SLC45A3: variants seen among roughly 807,000 people sequenced by gnomAD.
SLC45A3 encodes the protein solute carrier family 45 member 3.
A neutral mutation model predicts 35.3 loss-of-function variants in SLC45A3; 17 were observed. That is an observed-to-expected ratio of 0.48 (90% CI 0.33 to 0.72). The LOEUF (loss-of-function observed/expected upper bound fraction) is 0.72. Among genes scored for constraint, SLC45A3 ranks in the 30% least tolerant of loss-of-function variants. The probability of loss-of-function intolerance (pLI) is 0.02; values close to 1 mark genes in which losing one functional copy is unlikely to be tolerated. For missense variants in SLC45A3, 597 were observed against 731.7 expected (o/e 0.82, Z 2.12); for synonymous variants, 288 against 334.3 (o/e 0.86, Z 1.51).
At position 205,659,882 on chromosome 1, in the gene SLC45A3, G is replaced by A. The variant is rs560938270; in HGVS notation, c.1225-211C>T. The stretch of plus-strand genomic sequence containing the variant: ...TGGGAGAAGGGTAACGGGGTAGGGC[G>A]GGGACAAATGTGAACCCAGAAGTCT... On this transcript the variant is annotated intron_variant, in intron 4 of 4. Coordinates refer to ENST00000367145, the MANE Select transcript of SLC45A3 (RefSeq NM_033102.3). The surrounding 1 kb of genome is among the most constrained non-coding windows in gnomAD (Gnocchi z 5.8). Among the ~76,000 whole-genome samples the A allele has an allele frequency of 3.8e-4, 58 of 152,230 alleles. No homozygotes were observed. The highest frequency in any genetic ancestry group is 1.2e-3 in the African/African-American group (48 of 41,534).
chr1:205,666,333 C>A lies in SLC45A3; in HGVS notation c.-230-1447G>T, dbSNP rs373482219. 2.4e-3 allele frequency among the ~76,000 whole-genome samples: 361 copies of A among 152,270 alleles called. 2 individuals carry two copies. The highest frequency in any genetic ancestry group is 5.6e-3 in the South Asian group (27 of 4,828). On this transcript the variant is annotated intron_variant, in intron 1 of 4. Coordinates refer to ENST00000367145, the MANE Select transcript of SLC45A3 (RefSeq NM_033102.3). The surrounding 1 kb of genome is among the most constrained non-coding windows in gnomAD (Gnocchi z 4.1). ...GACCAGCCTGGGCAACACAGCGAGACCCCCTCTCTACAAAAAATTTAAAAA... is the reference window on the plus strand; with the variant it reads ...GACCAGCCTGGGCAACACAGCGAGAACCCCTCTCTACAAAAAATTTAAAAA...
chr1:205,671,633 C>T (rs1462720538), intron 1 of SLC45A3, among the ~76,000 whole-genome samples: 3 of 152,118 alleles, frequency 2.0e-5, no homozygotes, highest in Non-Finnish European at 4.4e-5. Flanking sequence ...CCGAGGCAGG[C>T]AGATTACCTG....
intron 1 of SLC45A3, among the ~76,000 whole-genome samples, chr1:205,671,790 C>T (rs1381688657): frequency 2.0e-5 from 3 of 152,028 alleles, no homozygotes; most frequent in South Asian, 2.1e-4. Flanking sequence ...TGCTTGAAAC[C>T]GGGAGGTCAA....
chr1:205,662,571 T>G lies in SLC45A3; in HGVS notation c.958+262A>C. On this transcript the variant is annotated intron_variant, in intron 3 of 4. Transcript: ENST00000367145. The surrounding 1 kb of genome is among the most constrained non-coding windows in gnomAD (Gnocchi z 6.2). Reference sequence around the variant, plus strand: ...TTAACTCCTCCACTCCCTCTAGACTTTGAATAAGCTCCGCCTTTCCTTCTG... The same window carrying G: ...TTAACTCCTCCACTCCCTCTAGACTGTGAATAAGCTCCGCCTTTCCTTCTG... 1 of 1,322,084 alleles carries G rather than the reference T, an allele frequency of 7.6e-7. No homozygotes were observed. Among genetic ancestry groups the G allele is most frequent in the Non-Finnish European group, 9.6e-7 (1 of 1,039,432 alleles). 81.9% of individuals were successfully genotyped at this position (1,322,084 alleles called of 1,614,324 possible).
Position 205,659,771 on chromosome 1 carries a change from G to A in SLC45A3, c.1225-100C>T. On this transcript the variant is annotated intron_variant, in intron 4 of 4. Coordinates refer to ENST00000367145, the MANE Select transcript of SLC45A3 (RefSeq NM_033102.3). This position sits in a 1 kb window ranked among gnomAD's most constrained non-coding sequence, Gnocchi z 5.8. ...ACAGACCCTTGCCTCCATCCCAGGG[G>A]CAATGGGACTTCATGAGAATCAGGA... is the stretch of plus-strand genomic sequence containing the variant. The A allele has an allele frequency of 1.8e-6, 2 of 1,100,176 alleles. No homozygotes were observed. Among genetic ancestry groups the A allele is most frequent in the Non-Finnish European group, 2.5e-6 (2 of 795,624 alleles). 68.2% of individuals were successfully genotyped at this position (1,100,176 alleles called of 1,614,324 possible).
At position 205,664,583 on chromosome 1, in the gene SLC45A3, G is replaced by C; in HGVS notation, c.74C>G (p.Thr25Ser). 6.2e-7 allele frequency: 1 copy of C among 1,614,268 alleles called. No individual in the cohort carries two copies. Among genetic ancestry groups the C allele is most frequent in the South Asian group, 1.1e-5 (1 of 91,088 alleles). Residue 25 changes from threonine to serine, a missense_variant, in exon 2 of 5, where the codon ACC becomes AGC. Coordinates refer to ENST00000367145, the MANE Select transcript of SLC45A3 (RefSeq NM_033102.3). This position sits in a 1 kb window ranked among gnomAD's most constrained non-coding sequence, Gnocchi z 5.3. ...GGCCAAACACACCTCCAGGCCAAAG[G>C]TTAGCAGGTTGACCAGCAAGAGCTG... ...KAQLLLVNLL[T>S]FGLEVCLAAG...
Position 205,659,739 on chromosome 1 carries a change from T to C in SLC45A3, c.1225-68A>G. On this transcript the variant is annotated intron_variant, in intron 4 of 4. Transcript: ENST00000367145. This position sits in a 1 kb window ranked among gnomAD's most constrained non-coding sequence, Gnocchi z 5.8. The stretch of plus-strand genomic sequence containing the variant: ...TACCCAGCACTGGCACCACCCCAGC[T>C]GTGAGAACAGACCCTTGCCTCCATC... 2.1e-6 allele frequency: 3 copies of C among 1,427,074 alleles called. No homozygotes were observed. The highest frequency in any genetic ancestry group is 4.8e-5 in the East Asian group (2 of 41,654). The allele number at this position is 1,427,074 out of a possible 1,614,324, so 88.4% of individuals were successfully genotyped here.
At chr1:205,680,133 C>T (rs1203846250) in intron 1 of SLC45A3, among the ~76,000 whole-genome samples, 1 of 151,308 alleles carries the variant, frequency 6.6e-6, no homozygotes, top group Non-Finnish European at 1.5e-5. Flanking sequence ...CCTGCCTGCC[C>T]GCCCTCCGCG....
rs1257085127 is a variant in SLC45A3, at chr1:205,662,690, G to C, written c.958+143C>G. On this transcript the variant is annotated intron_variant, in intron 3 of 4. Coordinates refer to ENST00000367145, the MANE Select transcript of SLC45A3 (RefSeq NM_033102.3). The surrounding 1 kb of genome is among the most constrained non-coding windows in gnomAD (Gnocchi z 6.2). ...AGATGTTCCACACCCATGAGAAGCC[G>C]TGTATGCAGATGGGGTCCATCCCCA... is the stretch of plus-strand genomic sequence containing the variant. The C allele has an allele frequency of 1.4e-6, 2 of 1,439,520 alleles. No individual in the cohort carries two copies. The highest frequency in any genetic ancestry group is 1.8e-6 in the Non-Finnish European group (2 of 1,102,628). 89.2% of individuals were successfully genotyped at this position (1,439,520 alleles called of 1,614,324 possible). A position where few individuals can be genotyped will look rare whatever the true frequency, so the allele number is the denominator to read the frequency against.
intron 1 of SLC45A3, 137 bp from the exon 2 acceptor site, chr1:205,665,023 T>A: frequency 1.4e-6 from 1 of 735,340 alleles, no homozygotes; most frequent in Non-Finnish European, 1.8e-6. Context: ...GCCACCCCCT[T>A]CTGCCCAGTC....
chr1:205,662,590 C>T lies in SLC45A3; in HGVS notation c.958+243G>A. On this transcript the variant is annotated intron_variant, in intron 3 of 4. Coordinates refer to ENST00000367145, the MANE Select transcript of SLC45A3 (RefSeq NM_033102.3). This position sits in a 1 kb window ranked among gnomAD's most constrained non-coding sequence, Gnocchi z 6.2. ...TAGACTTTGAATAAGCTCCGCCTTT[C>T]CTTCTGTCAAACTGGGGCAACGACT... The T allele has an allele frequency of 7.5e-7, 1 of 1,333,570 alleles. No homozygotes were observed. Among genetic ancestry groups the T allele is most frequent in the Non-Finnish European group, 9.6e-7 (1 of 1,046,872 alleles). 82.6% of individuals were successfully genotyped at this position (1,333,570 alleles called of 1,614,324 possible). A position where few individuals can be genotyped will look rare whatever the true frequency, so the allele number is the denominator to read the frequency against.
At chr1:205,678,398 TA>T (rs1318397959) in intron 1 of SLC45A3, among the ~76,000 whole-genome samples, 1 of 152,104 alleles carries the variant, frequency 6.6e-6, no homozygotes, top group African/African-American at 2.4e-5. Flanking sequence ...TGATAGTACT[TA>T]AAGTCTTCAA....
rs761222471 is a variant in SLC45A3 at position 205,664,444 on chromosome 1, A to G, written c.172+41T>C. On this transcript the variant is annotated intron_variant, in intron 2 of 4. Transcript: ENST00000367145. The surrounding 1 kb of genome is among the most constrained non-coding windows in gnomAD (Gnocchi z 5.3). ...ACTCCTGTCCCACATGCCAGGTGGCATGTATCTGGAACAGGAAGGAAGGAG... is the reference window on the plus strand; with the variant it reads ...ACTCCTGTCCCACATGCCAGGTGGCGTGTATCTGGAACAGGAAGGAAGGAG... The G allele has an allele frequency of 3.7e-6, 6 of 1,606,114 alleles. No homozygotes were observed. Among genetic ancestry groups the G allele is most frequent in the African/African-American group, 2.7e-5 (2 of 74,836 alleles).
intron 1 of SLC45A3, among the ~76,000 whole-genome samples, chr1:205,675,832 G>A (rs975744194): frequency 1.3e-5 from 2 of 152,180 alleles, no homozygotes; most frequent in South Asian, 2.1e-4. Flanking sequence ...AAACCAAGCC[G>A]TCAAGTATCC....
intron 1 of SLC45A3, among the ~76,000 whole-genome samples, chr1:205,674,515 A>C (rs564309232): frequency 2.9e-3 from 415 of 141,474 alleles, no homozygotes; most frequent in Non-Finnish European, 5.3e-3. Context: ...TGAACCTGGG[A>C]GGCAGAGGTT....
In SLC45A3 at chr1:205,661,921, G is replaced by A; in HGVS notation, c.1164C>T (p.Thr388=). Reference sequence around the variant, plus strand: ...AGGGCAGGATCTGCAGGGCTGAGAAGGTGAACCCGGTGAGGGCGGCTGAAG... The same window carrying A: ...AGGGCAGGATCTGCAGGGCTGAGAAAGTGAACCCGGTGAGGGCGGCTGAAG... ...VTASAALTGF[T]FSALQILPYT... The change falls in exon 4 of 5, where the codon ACC becomes ACT. Residue 388 remains threonine (T), a synonymous_variant. Coordinates refer to ENST00000367145, the MANE Select transcript of SLC45A3 (RefSeq NM_033102.3). 6.2e-7 allele frequency: 1 copy of A among 1,614,182 alleles called. No homozygotes were observed. The highest frequency in any genetic ancestry group is 8.5e-7 in the Non-Finnish European group (1 of 1,180,046).
chr1:205,677,300 C>A (rs1011350055), intron 1 of SLC45A3, among the ~76,000 whole-genome samples: 2 of 152,184 alleles, frequency 1.3e-5, no homozygotes, highest in African/African-American at 4.8e-5. Context: ...ACTGCAGATG[C>A]GTCCTTCGTA....
At position 205,666,259 on chromosome 1, in the gene SLC45A3, G is replaced by A. The variant is rs1411751257; in HGVS notation, c.-230-1373C>T. ...GTGGTGGCTCATGCCTATAATCCCA[G>A]AACTTCAAGAGGCCAAGGCAGGAGG... On this transcript the variant is annotated intron_variant, in intron 1 of 4. Transcript: ENST00000367145. The surrounding 1 kb of genome is among the most constrained non-coding windows in gnomAD (Gnocchi z 4.1). Among the ~76,000 whole-genome samples the A allele has an allele frequency of 2.0e-5, 3 of 152,052 alleles. No individual in the cohort carries two copies. Among genetic ancestry groups the A allele is most frequent in the African/African-American group, 7.2e-5 (3 of 41,382 alleles).
intron 2 of SLC45A3, among the ~76,000 whole-genome samples, chr1:205,663,846 A>C (rs1483949378): frequency 1.3e-5 from 2 of 152,184 alleles, no homozygotes; most frequent in Non-Finnish European, 2.9e-5. Context: ...TACTTATTCA[A>C]AGGCGCAGAC....
Sources: gnomAD v4.1 joint callset for allele counts (sites outside exome capture counted in the v4.1 genomes callset) on GRCh38, gnomAD v4.1.1 for gene constraint, Gnocchi (gnomAD v3.1) non-coding constraint, MANE v1.5 for transcripts, NCBI Gene and HGNC (gene_info 2026-07-23, HGNC 2026-07-21) for gene names.